RIC8B: variants seen among roughly 807,000 people sequenced by gnomAD.
RIC8B encodes RIC8 guanine nucleotide exchange factor B, also known as chaperone Ric-8B.
In RIC8B, 16 loss-of-function variants were observed where a neutral mutation model predicts 57.5. That is an observed-to-expected ratio of 0.28 (90% confidence interval 0.19 to 0.42). RIC8B has a LOEUF of 0.42. RIC8B is among the 10% of genes least tolerant of loss of function. RIC8B has a pLI of 1.00. For synonymous variants in RIC8B, 216 were observed against 250.8 expected (o/e 0.86, Z 1.31); for missense variants, 481 against 677.0 (o/e 0.71, Z 3.21).
At chr12:106,829,416 T>A (rs1184246865) in intron 4 of RIC8B, among the ~76,000 whole-genome samples, 1 of 152,206 alleles carries the variant, frequency 6.6e-6, no homozygotes, top group African/African-American at 2.4e-5. Flanking sequence ...TTGATTTAAT[T>A]TATTTTAGGC....
Position 106,814,827 on chromosome 12 carries a change from T to TA in RIC8B, c.265dup (p.Met89AsnfsTer12). 6.2e-7 allele frequency: 1 copy of TA among 1,614,198 alleles called. No homozygotes were observed. On this transcript the variant is annotated frameshift_variant, in exon 3 of 10. Coordinates refer to ENST00000392837, the MANE Select transcript of RIC8B (RefSeq NM_001330145.2). LOFTEE classifies it high-confidence loss of function. Reference sequence around the variant, plus strand: ...TAGTTCCTGTGACAACTAAGGAAAATATGCAGATACTGCTGCGACTAGCCA... The same window carrying TA: ...TAGTTCCTGTGACAACTAAGGAAAATAATGCAGATACTGCTGCGACTAGCCA...
intron 9 of RIC8B, among the ~76,000 whole-genome samples, chr12:106,880,449 G>T (rs1167586806): frequency 6.6e-6 from 1 of 152,078 alleles, no homozygotes; most frequent in Non-Finnish European, 1.5e-5. Flanking sequence ...TCACTTTATA[G>T]ATGGGGAGAC....
At chr12:106,822,292 G>A (rs1037499234) in intron 3 of RIC8B, 1 of 152,126 alleles carries the variant, frequency 6.6e-6, no homozygotes, top group Non-Finnish European at 1.5e-5. Context: ...AAGTATTGGT[G>A]TCCCTGTAGA....
intron 7 of RIC8B, among the ~76,000 whole-genome samples, chr12:106,854,974 C>G (rs1205095437): frequency 6.6e-6 from 1 of 152,186 alleles, no homozygotes; most frequent in East Asian, 1.9e-4. Flanking sequence ...CTGAACATGA[C>G]TATTTTTATC....
At position 106,774,846 on chromosome 12, in the gene RIC8B, C is replaced by G; in HGVS notation, c.84+17C>G. On this transcript the variant is annotated intron_variant, in intron 1 of 9. Transcript: ENST00000392837. ...AGCGACAAGGTAAAGAGTCCTGGCC[C>G]CGGGCGTGCGGTATCGCACCCCCGG... 6.5e-7 allele frequency: 1 copy of G among 1,546,070 alleles called. No homozygotes were observed.
chr12:106,774,871 G>A (rs888768266), intron 1 of RIC8B, 42 bp downstream of exon 1: 1 of 1,462,092 alleles, frequency 6.8e-7, no homozygotes, highest in Non-Finnish European at 9.3e-7. Context: ...CGCACCCCCG[G>A]GCCGCCCTCC....
intron 2 of RIC8B, among the ~76,000 whole-genome samples, chr12:106,789,293 A>G (rs959422298): frequency 1.3e-5 from 2 of 152,140 alleles, no homozygotes; most frequent in Non-Finnish European, 2.9e-5. Flanking sequence ...GGAGGTTCCA[A>G]ACTTTCCCAC....
intron 1 of RIC8B, among the ~76,000 whole-genome samples, chr12:106,778,585 A>AAT (rs1483034076): frequency 6.6e-6 from 1 of 152,160 alleles, no homozygotes; most frequent in Non-Finnish European, 1.5e-5. Flanking sequence ...TCTTATATTA[A>AAT]TCCTCTTATA....
chr12:106,880,064 G>C, intron 9 of RIC8B: 1 of 516,394 alleles, frequency 1.9e-6, no homozygotes, highest in Non-Finnish European at 2.5e-6. Context: ...ATCCTTTTTA[G>C]ATAGGACCTT....
intron 2 of RIC8B, among the ~76,000 whole-genome samples, chr12:106,784,369 T>C (rs2043900809): frequency 6.6e-6 from 1 of 152,180 alleles, no homozygotes; most frequent in African/African-American, 2.4e-5. Context: ...CCAAAATCCA[T>C]TGCTAATATT....
At chr12:106,775,954 T>C (rs1157312108) in intron 1 of RIC8B, among the ~76,000 whole-genome samples, 8 of 152,186 alleles carry the variant, frequency 5.3e-5, no homozygotes, top group Non-Finnish European at 8.8e-5. Context: ...TGACAATTGG[T>C]GTCTTATTTT....
At chr12:106,864,774 A>ACTAT (rs1950070259) in intron 8 of RIC8B, among the ~76,000 whole-genome samples, 1 of 152,164 alleles carries the variant, frequency 6.6e-6, no homozygotes, top group Non-Finnish European at 1.5e-5. Context: ...AACCATCACC[A>ACTAT]CTATCTCTCT....
At chr12:106,839,536 G>A (rs1365352034) in intron 4 of RIC8B, among the ~76,000 whole-genome samples, 1 of 152,156 alleles carries the variant, frequency 6.6e-6, no homozygotes, top group Non-Finnish European at 1.5e-5. Flanking sequence ...TGGGGCTGGG[G>A]AGAGGAGTAA....
chr12:106,830,769 A>G (rs1217202203), intron 4 of RIC8B, among the ~76,000 whole-genome samples: 2 of 152,180 alleles, frequency 1.3e-5, no homozygotes, highest in South Asian at 2.1e-4. Flanking sequence ...CCTCATGCAC[A>G]TATCTTGTCA....
intron 2 of RIC8B, among the ~76,000 whole-genome samples, chr12:106,788,265 C>G (rs2044120492): frequency 6.6e-6 from 1 of 152,322 alleles, no homozygotes. Flanking sequence ...ACGCCTGTGG[C>G]TTTGCAGGGT....
intron 9 of RIC8B, among the ~76,000 whole-genome samples, chr12:106,884,621 C>A (rs974486955): frequency 6.6e-6 from 1 of 152,178 alleles, no homozygotes; most frequent in African/African-American, 2.4e-5. Flanking sequence ...TATTCAGGAG[C>A]CTCAATTTAG....
chr12:106,872,682 A>C (rs1236644200), intron 9 of RIC8B, among the ~76,000 whole-genome samples: 2 of 151,858 alleles, frequency 1.3e-5, no homozygotes, highest in Non-Finnish European at 2.9e-5. Flanking sequence ...AAAAAAAAAA[A>C]AAAACAAACC....
At chr12:106,826,105 C>A (rs1428534661) in intron 4 of RIC8B, among the ~76,000 whole-genome samples, 1 of 152,176 alleles carries the variant, frequency 6.6e-6, no homozygotes, top group Non-Finnish European at 1.5e-5. Flanking sequence ...TTATCCAGAA[C>A]AACAATAATA....
chr12:106,877,040 T>G (rs1306731202), intron 9 of RIC8B, among the ~76,000 whole-genome samples: 4 of 152,110 alleles, frequency 2.6e-5, no homozygotes, highest in Admixed American at 2.6e-4. Flanking sequence ...TTTCTCTATA[T>G]TTTCTTAACC....
Sources: gnomAD v4.1 joint callset for allele counts (sites outside exome capture counted in the v4.1 genomes callset) on GRCh38, gnomAD v4.1.1 for gene constraint, MANE v1.5 for transcripts, NCBI Gene and HGNC (gene_info 2026-07-23, HGNC 2026-07-21) for gene names.